Variants in FLYWCH1 observed in about 807,000 individuals in gnomAD.
The protein encoded by FLYWCH1 is FLYWCH-type zinc finger 1.
In FLYWCH1, 75 loss-of-function variants were observed where a neutral mutation model predicts 66.4. The observed-to-expected ratio is 1.13, with a 90% confidence interval of 0.94 to 1.37. The LOEUF is 1.37. Among genes scored for constraint, FLYWCH1 ranks in the 40% most tolerant of loss-of-function variants. The pLI, the probability that FLYWCH1 is intolerant of heterozygous loss-of-function variation, is 0.00. For missense variants in FLYWCH1, 1,334 were observed against 1,001.8 expected, an observed-to-expected ratio of 1.33 and a Z score of -4.48; for synonymous variants, 595 against 429.9, an observed-to-expected ratio of 1.38 and a Z score of -4.75.
At position 2,940,028 on chromosome 16, in the gene FLYWCH1, A is replaced by C; in HGVS notation, c.2051-4A>C. 2 of 1,602,230 alleles carry C rather than the reference A, an allele frequency of 1.2e-6. No individual in the cohort carries two copies. The highest frequency in any genetic ancestry group is 1.7e-6 in the Non-Finnish European group (2 of 1,172,266). On this transcript the variant is annotated splice_polypyrimidine_tract_variant and splice_region_variant and intron_variant, in intron 8 of 9. Transcript: ENST00000253928. ...AATTCATATTTTCAATTATTTTTCC[A>C]CAGAAAAGATTCAAGTTCAGCTGTG...
At chr16:2,923,563 A>G (rs62032309) in intron 2 of FLYWCH1, among the ~76,000 whole-genome samples, 1 of 151,382 alleles carries the variant, frequency 6.6e-6, no homozygotes, top group Admixed American at 6.6e-5. Context: ...ATGTTTTAAA[A>G]TGCATACTTC....
At chr16:2,945,814 G>A (rs548696845) in intron 9 of FLYWCH1, among the ~76,000 whole-genome samples, 1,575 of 152,058 alleles carry the variant, frequency 0.01, 15 homozygotes, top group Non-Finnish European at 0.017. Context: ...TGGCTAACAT[G>A]GTGAAATCCC....
chr16:2,943,054 C>A (rs1190091188), intron 9 of FLYWCH1, among the ~76,000 whole-genome samples: 1 of 152,066 alleles, frequency 6.6e-6, no homozygotes, highest in East Asian at 1.9e-4. Flanking sequence ...CAATACTATC[C>A]CCAAATAACA....
At chr16:2,925,580 G>GGGT (rs1567326690) in intron 2 of FLYWCH1, among the ~76,000 whole-genome samples, 1 of 124,818 alleles carries the variant, frequency 8.0e-6, no homozygotes, top group Non-Finnish European at 1.7e-5. Context: ...GTTGCGGGGG[G>GGGT]AGGGGGGTAC....
rs974517109 is a variant in FLYWCH1, at chr16:2,934,110, A to G, written c.1513+131A>G. On this transcript the variant is annotated intron_variant, in intron 6 of 9. Transcript: ENST00000253928. ...TTCTTTGAACATCCTAGAAGGAACT[A>G]TGGCCCTGGCCTCCTACTCCTTGGC... The G allele has an allele frequency of 5.9e-6, 7 of 1,184,812 alleles. No individual in the cohort carries two copies. The African/African-American group carries it at 7.7e-5, about 13-fold the overall frequency. The allele number at this position is 1,184,812 out of a possible 1,614,324, so 73.4% of individuals were successfully genotyped here. A position where few individuals can be genotyped will look rare whatever the true frequency, so the allele number is the denominator to read the frequency against.
chr16:2,921,156 A>T (rs1277553227), intron 2 of FLYWCH1, among the ~76,000 whole-genome samples: 2 of 152,114 alleles, frequency 1.3e-5, no homozygotes, highest in African/African-American at 2.4e-5. Context: ...TTGTTTTTCA[A>T]TAACTTTCCT....
At chr16:2,937,009 C>T in intron 6 of FLYWCH1, 112 bp from the exon 7 acceptor site, 1 of 1,196,848 alleles carries the variant, frequency 8.4e-7, no homozygotes, top group Non-Finnish European at 1.1e-6. Flanking sequence ...TCCGGGGCCA[C>T]CTCACTGTGA....
At position 2,912,072 on chromosome 16, in the gene FLYWCH1, G is replaced by C. The variant is rs1306193175; in HGVS notation, c.-270G>C. ...TGGCGGCGGCGGCCTGGGTCGCGGG[G>C]TCGACGCTCGCTGCTGCAGCGGCAG... On this transcript the variant is annotated 5_prime_UTR_variant, in exon 1 of 10. Coordinates refer to ENST00000253928, the MANE Select transcript of FLYWCH1 (RefSeq NM_001308068.2). 1 of 152,488 alleles carries C rather than the reference G, an allele frequency of 6.6e-6. No individual in the cohort carries two copies. The highest frequency in any genetic ancestry group is 1.5e-5 in the Non-Finnish European group (1 of 68,242). The allele number at this position is 152,488 out of a possible 1,614,324, so 9.4% of individuals were successfully genotyped here.
At chr16:2,945,763 C>T (rs1040856770) in intron 9 of FLYWCH1, among the ~76,000 whole-genome samples, 2 of 151,942 alleles carry the variant, frequency 1.3e-5, no homozygotes, top group East Asian at 1.9e-4. Context: ...TTTGGGAGGC[C>T]AAGGTGGGCA....
rs749761735 is a variant in FLYWCH1, at chr16:2,933,406, C to G, written c.1073C>G (p.Pro358Arg). The G allele has an allele frequency of 3.1e-6, 5 of 1,601,672 alleles. No individual in the cohort carries two copies. Among genetic ancestry groups the G allele is most frequent in the Non-Finnish European group, 4.3e-6 (5 of 1,174,940 alleles). Residue 358 changes from proline to arginine, a missense_variant, in exon 5 of 10, where the codon CCT becomes CGT. By Grantham distance (103) the Pro-to-Arg change is moderately radical. Transcript: ENST00000253928. ...VETLQAGQDG[P>R]GSQVDTLLRG... is the part of the protein sequence containing the mutation. ...ACGCTGCAGGCTGGGCAGGACGGCCCTGGGAGCCAAGTGGACACGCTGCTC... is the reference window on the plus strand; with the variant it reads ...ACGCTGCAGGCTGGGCAGGACGGCCGTGGGAGCCAAGTGGACACGCTGCTC...
intron 2 of FLYWCH1, among the ~76,000 whole-genome samples, chr16:2,925,071 C>A (rs1013227655): frequency 6.6e-6 from 1 of 152,226 alleles, no homozygotes; most frequent in Admixed American, 6.5e-5. Context: ...CATGGCGCAG[C>A]TGTGTCCTGC....
chr16:2,928,277 C>T (rs982115209), intron 2 of FLYWCH1, among the ~76,000 whole-genome samples: 1 of 152,240 alleles, frequency 6.6e-6, no homozygotes, highest in Admixed American at 6.5e-5. Context: ...AGGTTTCCCT[C>T]TTTCACTCCT....
Position 2,929,898 on chromosome 16 carries a change from T to C in FLYWCH1, c.213T>C (p.Ala71=). 6.2e-7 allele frequency: 1 copy of C among 1,613,734 alleles called. No homozygotes were observed. Among genetic ancestry groups the C allele is most frequent in the Non-Finnish European group, 8.5e-7 (1 of 1,179,866 alleles). ...EVHCVLSLEM[A]GPATLASTLQ... is the part of the protein sequence containing the mutation. ...ACTGCGTCCTGTCCCTGGAGATGGC[T>C]GGCCCCGCCACCCTCGCCAGCACCT... is the stretch of plus-strand genomic sequence containing the variant. The change falls in exon 3 of 10, where the codon GCT becomes GCC. Residue 71 remains alanine, a synonymous_variant. Transcript: ENST00000253928.
rs562443259 is a variant in FLYWCH1, at chr16:2,929,654, C to T, written c.-32C>T. 4.1e-5 allele frequency: 65 copies of T among 1,590,424 alleles called. No homozygotes were observed. Among genetic ancestry groups the T allele is most frequent in the Middle Eastern group, 1.9e-4 (1 of 5,402 alleles). On this transcript the variant is annotated 5_prime_UTR_variant, in exon 3 of 10. Transcript: ENST00000253928. ...TCCAGGTTCCTTGCTGGGTGCTGAGCGTGGCCTGAGGGACAGGCCCTGGGT... is the reference window on the plus strand; with the variant it reads ...TCCAGGTTCCTTGCTGGGTGCTGAGTGTGGCCTGAGGGACAGGCCCTGGGT...
At chr16:2,937,044 G>T in intron 6 of FLYWCH1, 77 bp from the exon 7 acceptor site, 1 of 1,444,348 alleles carries the variant, frequency 6.9e-7, no homozygotes, top group Non-Finnish European at 9.2e-7. Context: ...CGTTGTGGGA[G>T]GTCTCATCTC....
intron 6 of FLYWCH1, chr16:2,934,985 G>A (rs566290978): frequency 5.9e-4 from 96 of 163,970 alleles, no homozygotes; most frequent in Non-Finnish European, 1.0e-3. Flanking sequence ...GTGCAGTGGC[G>A]TGATCTTGGC....
At chr16:2,921,347 A>G (rs2070368132) in intron 2 of FLYWCH1, among the ~76,000 whole-genome samples, 1 of 88,746 alleles carries the variant, frequency 1.1e-5, no homozygotes, top group Admixed American at 1.2e-4. Context: ...CATCAATTTT[A>G]GGACTTTTTT....
At chr16:2,912,224 T>A (rs2070011076) in intron 1 of FLYWCH1, 70 bp downstream of exon 1, 1 of 152,260 alleles carries the variant, frequency 6.6e-6, no homozygotes, top group Non-Finnish European at 1.5e-5. Flanking sequence ...AGCCCGGCTC[T>A]CCCGGGGGTC....
chr16:2,932,909 C>G (rs76733620), intron 4 of FLYWCH1, among the ~76,000 whole-genome samples: 7,592 of 151,698 alleles, frequency 0.05, 273 homozygotes, highest in Middle Eastern at 0.1. Flanking sequence ...GGTGGCCTCA[C>G]TGACCGCTAG....
Sources: allele counts gnomAD v4.1 joint callset (sites outside exome capture counted in the v4.1 genomes callset), GRCh38; gene constraint gnomAD v4.1.1; transcripts MANE v1.5; gene names NCBI Gene and HGNC (gene_info 2026-07-23, HGNC 2026-07-21).